ACOT7: variants seen among roughly 807,000 people sequenced by gnomAD.
ACOT7 encodes acyl-CoA thioesterase 7, also known as cytosolic acyl coenzyme A thioester hydrolase.
In ACOT7, 12 loss-of-function variants were observed where a neutral mutation model predicts 40.2. The observed-to-expected ratio is 0.30, with a 90% CI of 0.19 to 0.48. The LOEUF is 0.48. Among genes scored for constraint, ACOT7 ranks in the 20% least tolerant of loss-of-function variants. The pLI is 0.99. For synonymous variants in ACOT7, 228 were observed against 219.5 expected, an observed-to-expected ratio of 1.04 and a Z score of -0.34; for missense variants, 395 against 530.8, an observed-to-expected ratio of 0.74 and a Z score of 2.51.
intron 1 of ACOT7, among the ~76,000 whole-genome samples, chr1:6,353,152 G>A (rs934714517): frequency 4.0e-5 from 6 of 151,270 alleles, no homozygotes; most frequent in Non-Finnish European, 7.4e-5. Context: ...GTGAGCCACC[G>A]CACCCGGCCC....
At chr1:6,346,446 A>C (rs1198323308) in intron 2 of ACOT7, among the ~76,000 whole-genome samples, 1 of 152,218 alleles carries the variant, frequency 6.6e-6, no homozygotes, top group Non-Finnish European at 1.5e-5. Flanking sequence ...AAGCCAGTGC[A>C]AAGGCCCAAG....
At chr1:6,357,636 G>T (rs973921559) in intron 1 of ACOT7, among the ~76,000 whole-genome samples, 5 of 152,220 alleles carry the variant, frequency 3.3e-5, no homozygotes, top group African/African-American at 1.2e-4. Context: ...CTCAGCAGAG[G>T]CTGCCTTGGC....
intron 2 of ACOT7, among the ~76,000 whole-genome samples, 175 bp from the exon 3 acceptor site, chr1:6,339,764 G>C (rs1165041819): frequency 7.3e-6 from 1 of 136,572 alleles, no homozygotes; most frequent in Non-Finnish European, 1.5e-5. Context: ...TTTTGAGATG[G>C]AGTCTCGCTC....
chr1:6,388,027 G>A (rs1187279127), intron 1 of ACOT7, among the ~76,000 whole-genome samples: 6 of 148,260 alleles, frequency 4.0e-5, no homozygotes, highest in South Asian at 2.1e-4. Flanking sequence ...TGCAACCTCC[G>A]CCTCCCAGGT....
intron 7 of ACOT7, among the ~76,000 whole-genome samples, chr1:6,285,372 C>T (rs1639473312): frequency 6.6e-6 from 1 of 152,266 alleles, no homozygotes; most frequent in Admixed American, 6.5e-5. Context: ...AGTGCCACTC[C>T]TGGAAGCAGC....
At chr1:6,280,726 C>T (rs1277418110) in intron 8 of ACOT7, among the ~76,000 whole-genome samples, 1 of 152,224 alleles carries the variant, frequency 6.6e-6, no homozygotes, top group Non-Finnish European at 1.5e-5. Flanking sequence ...CCCCCTCCAG[C>T]ATTCTTACAC....
chr1:6,327,899 C>T lies in ACOT7; in HGVS notation c.511-486G>A, dbSNP rs182293597. 9.6e-3 allele frequency among the ~76,000 whole-genome samples: 1,453 copies of T among 152,076 alleles called. 11 individuals are homozygous for T. The highest frequency in any genetic ancestry group is 0.024 in the Admixed American group (361 of 15,258). ...AGTGATTCTCCTGCCTCAGCCTCCC[C>T]GGTACCTGGGACGACAGGTGCCCGC... On this transcript the variant is annotated intron_variant, in intron 4 of 8. Coordinates refer to ENST00000361521, the MANE Select transcript of ACOT7 (RefSeq NM_007274.4).
At chr1:6,271,539 G>A (rs1473319968) in intron 8 of ACOT7, among the ~76,000 whole-genome samples, 7 of 152,228 alleles carry the variant, frequency 4.6e-5, no homozygotes, top group Non-Finnish European at 7.3e-5. Context: ...AGGACCACCA[G>A]CCTCACAAGC....
At chr1:6,356,139 G>A (rs1404567190) in intron 1 of ACOT7, among the ~76,000 whole-genome samples, 3 of 152,196 alleles carry the variant, frequency 2.0e-5, no homozygotes, top group Non-Finnish European at 4.4e-5. Context: ...AATGACTGGT[G>A]TCCTTATAGG....
chr1:6,346,215 C>T (rs918209128), intron 2 of ACOT7, among the ~76,000 whole-genome samples: 18 of 152,232 alleles, frequency 1.2e-4, no homozygotes, highest in African/African-American at 4.3e-4. Flanking sequence ...GATCCTGCTG[C>T]CTCAGCCTCC....
chr1:6,273,681 T>C (rs1401938708), intron 8 of ACOT7, among the ~76,000 whole-genome samples: 1 of 152,214 alleles, frequency 6.6e-6, no homozygotes, highest in African/African-American at 2.4e-5. Flanking sequence ...AATTAAAAAA[T>C]TATTCCAAAA....
chr1:6,267,426 G>A (rs1638884710), intron 8 of ACOT7, among the ~76,000 whole-genome samples: 1 of 152,206 alleles, frequency 6.6e-6, no homozygotes, highest in Non-Finnish European at 1.5e-5. Flanking sequence ...CCAGGGCCCT[G>A]GAGAGGGGCT....
In ACOT7 at chr1:6,282,519, T is replaced by C. The variant is rs1402116288; in HGVS notation, c.830-1233A>G. 6.6e-6 allele frequency among the ~76,000 whole-genome samples: 1 copy of C among 152,042 alleles called. No homozygotes were observed. The highest frequency in any genetic ancestry group is 1.5e-5 in the Non-Finnish European group (1 of 67,980). Reference sequence around the variant, plus strand: ...TGCTCCCCAGGAAATATATCTGGCTTCGGGGACTTTTTAATGTGGCCTCTG... The same window carrying C: ...TGCTCCCCAGGAAATATATCTGGCTCCGGGGACTTTTTAATGTGGCCTCTG... On this transcript the variant is annotated intron_variant, in intron 7 of 8. Transcript: ENST00000361521. This position sits in a 1 kb window ranked among gnomAD's most constrained non-coding sequence, Gnocchi z 4.5.
chr1:6,388,723 G>A (rs1352360877), intron 1 of ACOT7, among the ~76,000 whole-genome samples: 2 of 124,086 alleles, frequency 1.6e-5, no homozygotes, highest in Admixed American at 8.7e-5. Flanking sequence ...CTGGGTGACA[G>A]AGTGAGACTC....
At position 6,317,192 on chromosome 1, in the gene ACOT7, C is replaced by G. The variant is rs556038427; in HGVS notation, c.712+1300G>C. ...TAACCACACAGCACCTTCACAACTT[C>G]TGCTCTCACTGATACCACTTCACTA... On this transcript the variant is annotated intron_variant, in intron 6 of 8. Transcript: ENST00000361521. 5.9e-5 allele frequency among the ~76,000 whole-genome samples: 9 copies of G among 152,334 alleles called. 1 individual carries two copies. Among genetic ancestry groups the G allele is most frequent in the African/African-American group, 2.2e-4 (9 of 41,574 alleles).
intron 6 of ACOT7, among the ~76,000 whole-genome samples, chr1:6,310,216 G>A (rs1006399761): frequency 6.6e-6 from 1 of 152,234 alleles, no homozygotes; most frequent in Non-Finnish European, 1.5e-5. Context: ...CGTGGGGTCA[G>A]GTGAGCTCAC....
chr1:6,326,448 A>G (rs1352525776), intron 5 of ACOT7, among the ~76,000 whole-genome samples: 1 of 152,234 alleles, frequency 6.6e-6, no homozygotes, highest in Non-Finnish European at 1.5e-5. Context: ...CTGACATGAG[A>G]GCAAGAGGAT....
intron 1 of ACOT7, among the ~76,000 whole-genome samples, chr1:6,382,755 G>A (rs534443732): frequency 2.6e-5 from 4 of 151,856 alleles, no homozygotes; most frequent in South Asian, 4.2e-4. Flanking sequence ...CTCAGTGACC[G>A]AGACTGCACC....
In ACOT7 at chr1:6,350,339, G is replaced by A. The variant is rs150459190; in HGVS notation, c.144-473C>T. ...CTGTTCTGAGAACTAAACATGAGTC[G>A]CAGCTTCAAGACCCCAGGCCCTGTC... On this transcript the variant is annotated intron_variant, in intron 1 of 8. Coordinates refer to ENST00000361521, the MANE Select transcript of ACOT7 (RefSeq NM_007274.4). Among the ~76,000 whole-genome samples, 674 of 152,306 alleles carry A rather than the reference G, an allele frequency of 4.4e-3. 7 individuals are homozygous for A. The highest frequency in any genetic ancestry group is 0.015 in the African/African-American group (633 of 41,564).
Sources: gnomAD v4.1 joint callset for allele counts (sites outside exome capture counted in the v4.1 genomes callset) on GRCh38, gnomAD v4.1.1 for gene constraint, Gnocchi (gnomAD v3.1) non-coding constraint, MANE v1.5 for transcripts, NCBI Gene and HGNC (gene_info 2026-07-23, HGNC 2026-07-21) for gene names.